The following AFAP1 variants were observed in gnomAD, a reference collection of about 807,000 sequenced individuals.
The protein encoded by AFAP1 is actin filament associated protein 1.
Under a neutral mutation model 93.9 loss-of-function variants are expected in AFAP1, and 75 were observed. That is an observed-to-expected ratio of 0.80 (90% CI 0.66 to 0.97). The LOEUF is 0.97. Among genes scored for constraint, AFAP1 ranks in the 50% least tolerant of loss-of-function variants. AFAP1 has a pLI of 0.00. For missense variants in AFAP1, 1,201 were observed against 1,050.8 expected (o/e 1.14, Z -1.98); for synonymous variants, 517 against 430.7 (o/e 1.20, Z -2.48).
At chr4:7,804,481 G>GAGGAGATCTCA (rs759799117) in intron 9 of AFAP1, among the ~76,000 whole-genome samples, 126,461 of 152,118 alleles carry the variant, frequency 0.83, 52,820 homozygotes, top group African/African-American at 0.91. Context: ...AGAGGATCAT[G>GAGGAGATCTCA]CTAGAAATAG....
intron 1 of AFAP1, among the ~76,000 whole-genome samples, chr4:7,919,297 A>T (rs2149235037): frequency 6.6e-6 from 1 of 152,362 alleles, no homozygotes; most frequent in South Asian, 2.1e-4. Flanking sequence ...CAGAGCCACA[A>T]TCCTAGCAGC....
At chr4:7,893,434 A>C (rs1718586847) in intron 1 of AFAP1, among the ~76,000 whole-genome samples, 1 of 152,028 alleles carries the variant, frequency 6.6e-6, no homozygotes, top group Admixed American at 6.5e-5. Context: ...ACAAAAAATT[A>C]GCCAGGCGTG....
intron 1 of AFAP1, among the ~76,000 whole-genome samples, chr4:7,893,335 C>T (rs1560223417): frequency 6.6e-6 from 1 of 152,212 alleles, no homozygotes; most frequent in Non-Finnish European, 1.5e-5. Flanking sequence ...AATCCCAACA[C>T]TTTGGGAGGC....
chr4:7,788,429 G>C (rs991349553), intron 11 of AFAP1, among the ~76,000 whole-genome samples: 2 of 152,268 alleles, frequency 1.3e-5, no homozygotes, highest in East Asian at 3.8e-4. Flanking sequence ...CACAGAGCGC[G>C]TGTGCGCCCC....
chr4:7,775,109 C>A, intron 14 of AFAP1: 1 of 570,300 alleles, frequency 1.8e-6, no homozygotes, highest in East Asian at 3.1e-5. Flanking sequence ...CCACTGTGCT[C>A]CAGCCTGGAT....
At chr4:7,889,987 C>T (rs1718361004) in intron 1 of AFAP1, among the ~76,000 whole-genome samples, 1 of 127,826 alleles carries the variant, frequency 7.8e-6, no homozygotes, top group Non-Finnish European at 1.6e-5. Context: ...AATCAAGATC[C>T]CAGGAGCAAT....
At chr4:7,789,565 T>C (rs1644826393) in intron 11 of AFAP1, among the ~76,000 whole-genome samples, 1 of 126,906 alleles carries the variant, frequency 7.9e-6, no homozygotes, top group Non-Finnish European at 1.6e-5. Context: ...CACCATCCCA[T>C]CCGTGCATCT....
At chr4:7,821,692 A>G (rs1039714449) in intron 6 of AFAP1, among the ~76,000 whole-genome samples, 1 of 152,208 alleles carries the variant, frequency 6.6e-6, no homozygotes, top group Non-Finnish European at 1.5e-5. Context: ...TCTGGGCAAA[A>G]AAGAAACACC....
intron 3 of AFAP1, among the ~76,000 whole-genome samples, chr4:7,856,908 T>C (rs990578729): frequency 3.9e-5 from 6 of 152,232 alleles, no homozygotes; most frequent in East Asian, 3.8e-4. Context: ...CAGGAATCCT[T>C]CAGGGCATGT....
chr4:7,834,668 C>T (rs554262572), intron 6 of AFAP1, among the ~76,000 whole-genome samples: 1 of 152,342 alleles, frequency 6.6e-6, no homozygotes, highest in South Asian at 2.1e-4. Context: ...GACTGCCTTG[C>T]TACCCCAAGG....
At chr4:7,833,416 T>C (rs913954816) in intron 6 of AFAP1, among the ~76,000 whole-genome samples, 1 of 152,058 alleles carries the variant, frequency 6.6e-6, no homozygotes, top group East Asian at 1.9e-4. Context: ...ATATCACCAA[T>C]GATCAGGGAA....
At chr4:7,924,975 C>G (rs1388914976) in intron 1 of AFAP1, among the ~76,000 whole-genome samples, 1 of 152,170 alleles carries the variant, frequency 6.6e-6, no homozygotes, top group African/African-American at 2.4e-5. Context: ...GCAGAGCCAC[C>G]TCCAGCCCCC....
chr4:7,876,052 A>G (rs533709155), intron 1 of AFAP1, among the ~76,000 whole-genome samples: 1 of 152,354 alleles, frequency 6.6e-6, no homozygotes, highest in South Asian at 2.1e-4. Context: ...AGGGTTAAAA[A>G]GGTAAAATGT....
At chr4:7,933,338 GC>G (rs574160542) in intron 1 of AFAP1, among the ~76,000 whole-genome samples, 1,607 of 152,276 alleles carry the variant, frequency 0.011, 30 homozygotes, top group African/African-American at 0.037. Flanking sequence ...ACTTTGGGAG[GC>G]CAAGTTGGGC....
At chr4:7,771,800 G>C (rs1161692240) in intron 16 of AFAP1, among the ~76,000 whole-genome samples, 8 of 152,186 alleles carry the variant, frequency 5.3e-5, no homozygotes. Flanking sequence ...CTGCAGGCGG[G>C]AGGGAGGTTG....
At chr4:7,879,482 CA>C (rs934095200) in intron 1 of AFAP1, among the ~76,000 whole-genome samples, 1 of 152,104 alleles carries the variant, frequency 6.6e-6, no homozygotes, top group Non-Finnish European at 1.5e-5. Context: ...AGACTGGCAT[CA>C]AGGACACAGG....
chr4:7,849,343 T>G (rs889923384), intron 4 of AFAP1, among the ~76,000 whole-genome samples: 1 of 151,984 alleles, frequency 6.6e-6, no homozygotes, highest in South Asian at 2.1e-4. Context: ...AGCACAATAT[T>G]AGATGTTTCA....
intron 1 of AFAP1, among the ~76,000 whole-genome samples, chr4:7,918,311 A>T (rs1369678983): frequency 7.1e-6 from 1 of 140,420 alleles, no homozygotes; most frequent in African/African-American, 2.7e-5. Flanking sequence ...TGTGGATGAG[A>T]CACTCAGCCC....
At chr4:7,765,077 G>C (rs757250) in intron 17 of AFAP1, among the ~76,000 whole-genome samples, 105,275 of 151,982 alleles carry the variant, frequency 0.69, 37,118 homozygotes, top group Non-Finnish European at 0.77. Flanking sequence ...GCACTCGAGC[G>C]TGGTCAACAG....
Sources: allele counts gnomAD v4.1 joint callset (sites outside exome capture counted in the v4.1 genomes callset), GRCh38; gene constraint gnomAD v4.1.1; transcripts MANE v1.5; gene names NCBI Gene and HGNC (gene_info 2026-07-23, HGNC 2026-07-21).